CFAP97: variants seen among roughly 807,000 people sequenced by gnomAD.
The protein encoded by CFAP97 is cilia and flagella associated protein 97, also known as cilia- and flagella-associated protein 97.
CFAP97 carries 36 observed loss-of-function variants against 43.1 expected under a neutral mutation model. The observed-to-expected ratio is 0.84, with a 90% confidence interval of 0.64 to 1.10. The LOEUF (loss-of-function observed/expected upper bound fraction) is 1.10. CFAP97 is among the 50% of genes least tolerant of loss of function. The probability of loss-of-function intolerance (pLI) is 0.00; values close to 1 mark genes in which losing one functional copy is unlikely to be tolerated. For missense variants in CFAP97, 657 were observed against 620.3 expected (o/e 1.06, Z -0.63); for synonymous variants, 228 against 225.7 (o/e 1.01, Z -0.09).
chr4:185,180,214 A>G (rs944100193), intron 2 of CFAP97, among the ~76,000 whole-genome samples: 11 of 152,166 alleles, frequency 7.2e-5, no homozygotes, highest in Non-Finnish European at 4.4e-5. Flanking sequence ...CATATTTAGC[A>G]TAACAGAAAC....
intron 2 of CFAP97, among the ~76,000 whole-genome samples, chr4:185,178,308 C>T (rs899520420): frequency 1.6e-5 from 2 of 126,818 alleles, no homozygotes; most frequent in Admixed American, 1.0e-4. Context: ...AGTGCAGTGG[C>T]GTGATCTTGG....
Position 185,190,674 on chromosome 4 carries a change from A to T in CFAP97, c.523T>A (p.Ser175Thr). 1 of 1,573,772 alleles carries T rather than the reference A, an allele frequency of 6.4e-7. No individual in the cohort carries two copies. Among genetic ancestry groups the T allele is most frequent in the Non-Finnish European group, 8.6e-7 (1 of 1,158,216 alleles). ...CCTGAAGATGAGGAAGATAAAGAGG[A>T]GGAGGAAGAGGAGCTAACTTTGCAA... ...KYCKVSSSSS[S>T]SLSSSSSGSG... The change falls in exon 2 of 5, where the codon TCC becomes ACC. Residue 175 changes from serine to threonine, a missense_variant. By Grantham distance (58) the Ser-to-Thr change is moderately conservative (BLOSUM62 1). Coordinates refer to ENST00000458385, the MANE Select transcript of CFAP97 (RefSeq NM_020827.3).
intron 3 of CFAP97, among the ~76,000 whole-genome samples, chr4:185,173,638 A>G (rs1319674445): frequency 2.6e-5 from 4 of 152,234 alleles, no homozygotes; most frequent in African/African-American, 9.7e-5. Context: ...ACCAGATACA[A>G]AAGGACAAAT....
intron 1 of CFAP97, among the ~76,000 whole-genome samples, chr4:185,191,628 G>A (rs1736260660): frequency 6.6e-6 from 1 of 152,150 alleles, no homozygotes; most frequent in South Asian, 2.1e-4. Context: ...TCAAGAGATC[G>A]AGACCATCCT....
At chr4:185,192,590 T>C (rs1015977736) in intron 1 of CFAP97, among the ~76,000 whole-genome samples, 3 of 149,284 alleles carry the variant, frequency 2.0e-5, no homozygotes, top group Non-Finnish European at 4.4e-5. Flanking sequence ...ATTAGAAACA[T>C]CACTATAAAG....
At chr4:185,175,057 A>G (rs565100461) in intron 3 of CFAP97, among the ~76,000 whole-genome samples, 2 of 152,342 alleles carry the variant, frequency 1.3e-5, no homozygotes, top group South Asian at 2.1e-4. Context: ...GATCCTTTAA[A>G]ATAAGTGATG....
intron 3 of CFAP97, among the ~76,000 whole-genome samples, chr4:185,175,238 T>TTC (rs10638706): frequency 0.43 from 64,547 of 148,968 alleles, 13,824 homozygotes; most frequent in Middle Eastern, 0.55. Flanking sequence ...AATGGTCTCC[T>TTC]TCTCTCTCTC....
chr4:185,175,782 T>G lies in CFAP97; in HGVS notation c.1320+4A>C, dbSNP rs745580458. On this transcript the variant is annotated splice_donor_region_variant and intron_variant, in intron 3 of 4. Coordinates refer to ENST00000458385, the MANE Select transcript of CFAP97 (RefSeq NM_020827.3). ...TTTGATGACTAATTATTTCAGTTAC[T>G]TACCAAGTTTTCTCTCTCAATCCTT... 1.6e-5 allele frequency: 25 copies of G among 1,609,724 alleles called. No individual in the cohort carries two copies. The highest frequency in any genetic ancestry group is 2.0e-5 in the Non-Finnish European group (24 of 1,177,272).
chr4:185,181,695 T>C (rs1361682643), intron 2 of CFAP97, among the ~76,000 whole-genome samples: 4 of 152,226 alleles, frequency 2.6e-5, no homozygotes, highest in South Asian at 2.1e-4. Context: ...TTTTAAGAGT[T>C]TGAAGTATTA....
At chr4:185,182,872 G>A (rs1049037877) in intron 2 of CFAP97, among the ~76,000 whole-genome samples, 9 of 152,130 alleles carry the variant, frequency 5.9e-5, no homozygotes, top group Admixed American at 5.2e-4. Context: ...GGCTGACACG[G>A]GCGGATCATC....
chr4:185,166,221 T>C (rs865864326), intron 3 of CFAP97, among the ~76,000 whole-genome samples: 23 of 152,332 alleles, frequency 1.5e-4, no homozygotes, highest in African/African-American at 5.3e-4. Flanking sequence ...TCCCATCATA[T>C]CCTCTTTCTT....
intron 2 of CFAP97, among the ~76,000 whole-genome samples, chr4:185,185,574 G>C (rs975846057): frequency 1.3e-5 from 2 of 151,744 alleles, no homozygotes; most frequent in Non-Finnish European, 2.9e-5. Flanking sequence ...TTTCTGATGA[G>C]GCTGGTAGTG....
At position 185,190,202 on chromosome 4, in the gene CFAP97, T is replaced by C; in HGVS notation, c.995A>G (p.Asp332Gly). ...TAAGACTTTCTGTTTATGTCTGTGG[T>C]CTAAACTGGAGTCTAACACTGAAGA... ...KSSSVLDSSL[D>G]HRHKQKVLHD... The change falls in exon 2 of 5, where the codon GAC (aspartate) becomes GGC (glycine). Residue 332 changes from aspartate to glycine, a missense_variant. By Grantham distance (94) the Asp-to-Gly change is moderately conservative (BLOSUM62 -1). Coordinates refer to ENST00000458385, the MANE Select transcript of CFAP97 (RefSeq NM_020827.3). The C allele has an allele frequency of 6.2e-7, 1 of 1,611,086 alleles. No homozygotes were observed. The highest frequency in any genetic ancestry group is 8.5e-7 in the Non-Finnish European group (1 of 1,178,906).
chr4:185,168,398 G>A (rs937518747), intron 3 of CFAP97, among the ~76,000 whole-genome samples: 1 of 151,854 alleles, frequency 6.6e-6, no homozygotes, highest in Non-Finnish European at 1.5e-5. Flanking sequence ...CCTGAGGTCA[G>A]GAGTTTGAGA....
upstream of CFAP97, among the ~76,000 whole-genome samples, chr4:185,206,505 A>G (rs995906983): frequency 1.4e-4 from 22 of 152,032 alleles, no homozygotes; most frequent in Admixed American, 6.5e-4. Context: ...TAAAAATACA[A>G]AAAATTAGCC....
intron 2 of CFAP97, among the ~76,000 whole-genome samples, chr4:185,177,923 T>C (rs1241688735): frequency 1.3e-5 from 2 of 152,108 alleles, no homozygotes; most frequent in African/African-American, 4.8e-5. Flanking sequence ...TCACAAAAAT[T>C]GTAACTCTAC....
intron 3 of CFAP97, among the ~76,000 whole-genome samples, chr4:185,167,161 CAA>C (rs1249378231): frequency 6.6e-6 from 1 of 151,484 alleles, no homozygotes; most frequent in African/African-American, 2.4e-5. Context: ...AACTCTTATG[CAA>C]AAGTTAAAAA....
intron 3 of CFAP97, among the ~76,000 whole-genome samples, chr4:185,165,705 T>A (rs1735041129): frequency 6.6e-6 from 1 of 152,242 alleles, no homozygotes; most frequent in Non-Finnish European, 1.5e-5. Flanking sequence ...CCTTTTACTG[T>A]GGTAAAATGA....
In CFAP97 at chr4:185,190,797, C is replaced by G. The variant is rs1432286507; in HGVS notation, c.400G>C (p.Asp134His). The G allele has an allele frequency of 6.2e-7, 1 of 1,607,140 alleles. No homozygotes were observed. Residue 134 changes from aspartate to histidine, a missense_variant, in exon 2 of 5, where the codon GAT becomes CAT. By Grantham distance (81) the Asp-to-His change is moderately conservative. Transcript: ENST00000458385. ...CCATCATCACTGCTTTCCTCTCCATCTGTGTAGTAATCATCTTCACCTTCT... is the reference window on the plus strand; with the variant it reads ...CCATCATCACTGCTTTCCTCTCCATGTGTGTAGTAATCATCTTCACCTTCT... The part of the protein sequence containing the change: ...VKEGEDDYYT[D>H]GEESSDDGKK...
Sources: allele counts gnomAD v4.1 joint callset (sites outside exome capture counted in the v4.1 genomes callset), GRCh38; gene constraint gnomAD v4.1.1; transcripts MANE v1.5; gene names NCBI Gene and HGNC (gene_info 2026-07-23, HGNC 2026-07-21).